The following LATS1 variants were observed in gnomAD, a reference collection of about 807,000 sequenced individuals.
LATS1 encodes the protein serine/threonine-protein kinase LATS1.
A neutral mutation model predicts 106.6 loss-of-function variants in LATS1; 25 were observed. The observed-to-expected ratio is 0.23, with a 90% CI of 0.17 to 0.33. The LOEUF is 0.33. Ranked by LOEUF, LATS1 falls within the 10% of genes least tolerant of loss-of-function variation. LATS1 has a pLI of 1.00. For synonymous variants in LATS1, 465 were observed against 455.6 expected (o/e 1.02, Z -0.26); for missense variants, 1,040 against 1,382.6 (o/e 0.75, Z 3.93).
At position 149,701,764 on chromosome 6, in the gene LATS1, T is replaced by A. The variant is rs780902745; in HGVS notation, c.348+15A>T. On this transcript the variant is annotated intron_variant, in intron 2 of 7. Coordinates refer to ENST00000543571, the MANE Select transcript of LATS1 (RefSeq NM_004690.4). Reference sequence around the variant, plus strand: ...GGTAAGAAGAATCCTTTCTTTTGTCTTTAAACATTCTTACCTCATCAAATC... The same window carrying A: ...GGTAAGAAGAATCCTTTCTTTTGTCATTAAACATTCTTACCTCATCAAATC... 6.4e-7 allele frequency: 1 copy of A among 1,571,692 alleles called. No individual in the cohort carries two copies. Among genetic ancestry groups the A allele is most frequent in the Admixed American group, 1.8e-5 (1 of 55,952 alleles).
At chr6:149,707,047 G>A (rs892228185) in intron 1 of LATS1, among the ~76,000 whole-genome samples, 3 of 120,940 alleles carry the variant, frequency 2.5e-5, no homozygotes, top group Admixed American at 1.2e-4. Flanking sequence ...ATGGAGTCTC[G>A]CTCTGTTGCC....
intron 1 of LATS1, among the ~76,000 whole-genome samples, chr6:149,702,591 A>G (rs533824082): frequency 1.3e-5 from 2 of 152,306 alleles, no homozygotes; most frequent in South Asian, 4.1e-4. Context: ...AACTTCACCT[A>G]GAGGATCAAA....
At chr6:149,664,699 A>G (rs1402344100) in intron 7 of LATS1, among the ~76,000 whole-genome samples, 1 of 152,220 alleles carries the variant, frequency 6.6e-6, no homozygotes, top group Non-Finnish European at 1.5e-5. Flanking sequence ...TTGAAGTACC[A>G]TTAAACCTGG....
At chr6:149,666,943 C>CA (rs113430262) in intron 7 of LATS1, among the ~76,000 whole-genome samples, 1,496 of 59,802 alleles carry the variant, frequency 0.025, 14 homozygotes, top group East Asian at 0.052. Context: ...GACTCTGTCT[C>CA]AAAAAAAAAA....
In LATS1 at chr6:149,718,028, C is replaced by T. The variant is rs898151167; in HGVS notation, c.-320G>A. 2.9e-6 allele frequency: 1 copy of T among 345,874 alleles called. No homozygotes were observed. The highest frequency in any genetic ancestry group is 5.5e-6 in the Non-Finnish European group (1 of 180,430). The allele number at this position is 345,874 out of a possible 1,614,324, so 21.4% of individuals were successfully genotyped here. On this transcript the variant is annotated 5_prime_UTR_variant, in exon 1 of 8. Coordinates refer to ENST00000543571, the MANE Select transcript of LATS1 (RefSeq NM_004690.4). Reference sequence around the variant, plus strand: ...AGGGGTCGTGAGGACCTGGCTCTCCCCTTAACACCAGGCCACCGCCGCCGC... The same window carrying T: ...AGGGGTCGTGAGGACCTGGCTCTCCTCTTAACACCAGGCCACCGCCGCCGC...
chr6:149,680,284 C>T lies in LATS1; in HGVS notation c.2184G>A (p.Lys728=). 1 of 1,613,796 alleles carries T rather than the reference C, an allele frequency of 6.2e-7. No homozygotes were observed. Among genetic ancestry groups the T allele is most frequent in the Non-Finnish European group, 8.5e-7 (1 of 1,180,008 alleles). ...GAAGAGTTTTTGTTGCATACAAAGC[C>T]TTAGTATCTACTTTTCTTGCTAGAC... is the stretch of plus-strand genomic sequence containing the variant. ...EVCLARKVDT[K]ALYATKTLRK... is the part of the protein sequence containing the mutation. The change falls in exon 5 of 8, where the codon AAG becomes AAA. Residue 728 remains lysine (K), a synonymous_variant. Coordinates refer to ENST00000543571, the MANE Select transcript of LATS1 (RefSeq NM_004690.4).
At position 149,709,523 on chromosome 6, in the gene LATS1, A is replaced by G. The variant is rs115045846; in HGVS notation, c.-140-7257T>C. Among the ~76,000 whole-genome samples the G allele has an allele frequency of 4.7e-3, 711 of 152,156 alleles. 10 individuals are homozygous for G. Among genetic ancestry groups the G allele is most frequent in the African/African-American group, 0.016 (670 of 41,500 alleles). ...TCAACCCTGATAAGAAACATTTACA[A>G]TGTATTATCTCTGAAGCCTGCCACC... On this transcript the variant is annotated intron_variant, in intron 1 of 7. Transcript: ENST00000543571.
Position 149,683,194 on chromosome 6 carries a change from T to C in LATS1, c.1895A>G (p.Gln632Arg), listed in dbSNP as rs773264696. 2.5e-5 allele frequency: 40 copies of C among 1,613,998 alleles called. No individual in the cohort carries two copies. Among genetic ancestry groups the C allele is most frequent in the Admixed American group, 1.0e-4 (6 of 59,996 alleles). The change falls in exon 4 of 8, where the codon CAA becomes CGA. Residue 632 changes from glutamine to arginine, a missense_variant. Around this residue, in one of 7 missense-constraint regions of LATS1, gnomAD observed 167 missense variants for 332.1 expected, o/e 0.50. Coordinates refer to ENST00000543571, the MANE Select transcript of LATS1 (RefSeq NM_004690.4). The stretch of plus-strand genomic sequence containing the variant: ...TTTAAATGCTTGAGGAGAATAACTT[T>C]GAATACGAGATTCCCTTCGCTCTTC... ...KDEERRESRI[Q>R]SYSPQAFKFF...
intron 1 of LATS1, among the ~76,000 whole-genome samples, chr6:149,706,890 G>T (rs1003561340): frequency 3.8e-4 from 57 of 151,902 alleles, no homozygotes; most frequent in African/African-American, 1.4e-3. Flanking sequence ...AAGCCACCAG[G>T]TTTATAGTGA....
chr6:149,698,703 G>A (rs1046922238), intron 2 of LATS1, among the ~76,000 whole-genome samples: 1 of 151,808 alleles, frequency 6.6e-6, no homozygotes, highest in African/African-American at 2.4e-5. Flanking sequence ...ACAAGCATGT[G>A]CCACTAGGCC....
Position 149,683,929 on chromosome 6 carries a change from G to A in LATS1, c.1160C>T (p.Ser387Phe), listed in dbSNP as rs1290595841. Reference sequence around the variant, plus strand: ...AGCAGATCCCCCTGTTTGTAAAGCAGAAGGGCTTTGTCCATTAGCTGCTGT... The same window carrying A: ...AGCAGATCCCCCTGTTTGTAAAGCAAAAGGGCTTTGTCCATTAGCTGCTGT... ...PLTAANGQSP[S>F]ALQTGGSAAP... The change falls in exon 4 of 8, where the codon TCT (serine) becomes TTT (phenylalanine). Residue 387 changes from serine (S) to phenylalanine (F), a missense_variant. Coordinates refer to ENST00000543571, the MANE Select transcript of LATS1 (RefSeq NM_004690.4). 6.2e-7 allele frequency: 1 copy of A among 1,614,170 alleles called. No homozygotes were observed. The highest frequency in any genetic ancestry group is 8.5e-7 in the Non-Finnish European group (1 of 1,180,014).
intron 4 of LATS1, chr6:149,682,833 G>A (rs1245985652): frequency 2.4e-5 from 12 of 502,928 alleles, no homozygotes; most frequent in Admixed American, 1.1e-4. Flanking sequence ...ACTGTATACC[G>A]CAAATTATAT....
chr6:149,706,269 A>C (rs898525794), intron 1 of LATS1, among the ~76,000 whole-genome samples: 1 of 147,870 alleles, frequency 6.8e-6, no homozygotes, highest in Non-Finnish European at 1.5e-5. Flanking sequence ...TTGGGAGGCC[A>C]AAGTGGGAGG....
At chr6:149,678,168 A>AAAAAAAAAG (rs1781832791) in intron 5 of LATS1, among the ~76,000 whole-genome samples, 1 of 139,034 alleles carries the variant, frequency 7.2e-6, no homozygotes, top group Non-Finnish European at 1.6e-5. Flanking sequence ...AAAATCCAAA[A>AAAAAAAAAG]AAAAAAAAAA....
chr6:149,713,941 C>G (rs1784247145), intron 1 of LATS1, among the ~76,000 whole-genome samples: 1 of 151,292 alleles, frequency 6.6e-6, no homozygotes, highest in Admixed American at 6.6e-5. Context: ...ATTATATAGG[C>G]ATGAACCACT....
chr6:149,675,190 C>T (rs1781650244), intron 7 of LATS1, among the ~76,000 whole-genome samples: 1 of 148,836 alleles, frequency 6.7e-6, no homozygotes, highest in Admixed American at 6.7e-5. Flanking sequence ...GCACTCTAGC[C>T]TGATGACAGA....
chr6:149,675,410 G>A (rs1248802017), intron 7 of LATS1, among the ~76,000 whole-genome samples: 2 of 152,036 alleles, frequency 1.3e-5, no homozygotes, highest in East Asian at 1.9e-4. Flanking sequence ...CAAAATTGTG[G>A]GTAACTTCTC....
intron 2 of LATS1, 100 bp from the exon 3 acceptor site, chr6:149,695,321 T>C: frequency 1.4e-6 from 1 of 712,258 alleles, no homozygotes; most frequent in Middle Eastern, 4.2e-4. Context: ...AATCCATAAT[T>C]ATGAAGAACA....
chr6:149,672,127 A>C (rs1381550253), intron 7 of LATS1, among the ~76,000 whole-genome samples: 1 of 151,644 alleles, frequency 6.6e-6, no homozygotes, highest in African/African-American at 2.4e-5. Context: ...TCCTGACCTC[A>C]AGTGATCCGC....
Sources: allele counts gnomAD v4.1 joint callset (sites outside exome capture counted in the v4.1 genomes callset), GRCh38; gene constraint gnomAD v4.1.1; regional missense constraint gnomAD v4.1.1; transcripts MANE v1.5; gene names NCBI Gene and HGNC (gene_info 2026-07-23, HGNC 2026-07-21).